JMJD1C: variants seen among roughly 807,000 people sequenced by gnomAD.
JMJD1C encodes jumonji domain containing 1C.
A neutral mutation model predicts 245.3 loss-of-function variants in JMJD1C; 31 were observed. The observed-to-expected ratio is 0.13, with a 90% CI of 0.09 to 0.17. JMJD1C has a LOEUF of 0.17. Among genes scored for constraint, JMJD1C ranks in the 10% least tolerant of loss-of-function variants. The pLI is 1.00. For missense variants in JMJD1C, 2,691 were observed against 3,000.2 expected (o/e 0.90, Z 2.41); for synonymous variants, 1,057 against 1,017.4 (o/e 1.04, Z -0.74).
chr10:63,258,385 T>C (rs1589307243), intron 3 of JMJD1C, among the ~76,000 whole-genome samples: 1 of 152,250 alleles, frequency 6.6e-6, no homozygotes, highest in Non-Finnish European at 1.5e-5. Context: ...TTCTGATATT[T>C]ACAATAACCA....
intron 1 of JMJD1C, among the ~76,000 whole-genome samples, chr10:63,425,708 G>A (rs1373622591): frequency 1.3e-5 from 2 of 152,186 alleles, no homozygotes; most frequent in Non-Finnish European, 2.9e-5. Flanking sequence ...CTTAGGCCCA[G>A]GAGGAGAAGG....
chr10:63,516,578 C>A (rs1284380655), intron 1 of JMJD1C, among the ~76,000 whole-genome samples: 9 of 152,088 alleles, frequency 5.9e-5, no homozygotes, highest in Non-Finnish European at 2.9e-5. Context: ...TGTTTCTCTG[C>A]CACTTAACAT....
intron 3 of JMJD1C, among the ~76,000 whole-genome samples, chr10:63,238,550 TC>T (rs924727552): frequency 1.3e-5 from 2 of 152,224 alleles, no homozygotes; most frequent in African/African-American, 4.8e-5. Context: ...CTCATGGTTA[TC>T]TTTATATTAT....
intron 10 of JMJD1C, 126 bp from the exon 11 acceptor site, chr10:63,200,803 C>T: frequency 1.3e-6 from 1 of 771,960 alleles, no homozygotes. Flanking sequence ...GAAGCAAAGA[C>T]ATTAAGAGCT....
intron 8 of JMJD1C, among the ~76,000 whole-genome samples, chr10:63,209,938 T>C (rs1847124697): frequency 6.6e-6 from 1 of 152,158 alleles, no homozygotes; most frequent in Admixed American, 6.5e-5. Context: ...CTCACTGACA[T>C]CCTTCCAGAA....
At chr10:63,302,166 A>G (rs1472995440) in intron 2 of JMJD1C, among the ~76,000 whole-genome samples, 3 of 152,164 alleles carry the variant, frequency 2.0e-5, no homozygotes, top group East Asian at 1.9e-4. Flanking sequence ...TACTGGCATG[A>G]GCAACTGCAC....
intron 18 of JMJD1C, among the ~76,000 whole-genome samples, chr10:63,187,119 G>T (rs1564569894): frequency 6.6e-6 from 1 of 151,748 alleles, no homozygotes. Context: ...TCTCTAGCTA[G>T]ATTTTTTTTT....
intron 2 of JMJD1C, among the ~76,000 whole-genome samples, chr10:63,300,245 C>T (rs1859919882): frequency 1.3e-5 from 2 of 152,126 alleles, no homozygotes; most frequent in South Asian, 4.1e-4. Flanking sequence ...TCACATGAAG[C>T]TCTGTATGCT....
chr10:63,390,573 T>TACA (rs34365599), intron 1 of JMJD1C, among the ~76,000 whole-genome samples: 17 of 151,570 alleles, frequency 1.1e-4, no homozygotes, highest in African/African-American at 2.4e-4. Flanking sequence ...ACAAGAATGC[T>TACA]ACAACAACAA....
chr10:63,375,548 G>GTT (rs1442562800), intron 2 of JMJD1C, among the ~76,000 whole-genome samples: 1 of 150,710 alleles, frequency 6.6e-6, no homozygotes, highest in African/African-American at 2.4e-5. Flanking sequence ...GTGTGTGTGT[G>GTT]TGTGTGTGTG....
intron 2 of JMJD1C, among the ~76,000 whole-genome samples, chr10:63,309,959 A>G (rs1157336668): frequency 2.0e-5 from 3 of 152,190 alleles, no homozygotes; most frequent in African/African-American, 2.4e-5. Context: ...AGAACATTTA[A>G]AAGAGTTCAG....
chr10:63,216,930 A>G (rs1848059743), intron 5 of JMJD1C, among the ~76,000 whole-genome samples: 2 of 152,218 alleles, frequency 1.3e-5, no homozygotes, highest in African/African-American at 2.4e-5. Context: ...ATTTTAGCTC[A>G]TCTAAGGATT....
rs767231021 is a variant in JMJD1C at position 63,208,164 on chromosome 10, G to A, written c.3505C>T (p.His1169Tyr). The change falls in exon 10 of 26, where the codon CAT (histidine) becomes TAT (tyrosine). Residue 1169 changes from histidine to tyrosine, a missense_variant. By Grantham distance (83) the His-to-Tyr change is moderately conservative (BLOSUM62 2). Transcript: ENST00000399262. ...GTTACTGAGTGAGATGCAATCTGATGTGGAAGATGTTCTGGTATCTTGCCT... is the reference window on the plus strand; with the variant it reads ...GTTACTGAGTGAGATGCAATCTGATATGGAAGATGTTCTGGTATCTTGCCT... Reference protein sequence around the residue: ...LVGKIPEHLPHQIASHSVTTF... With the variant: ...LVGKIPEHLPYQIASHSVTTF... The A allele has an allele frequency of 6.2e-7, 1 of 1,614,102 alleles. No homozygotes were observed. The highest frequency in any genetic ancestry group is 1.1e-5 in the South Asian group (1 of 91,084).
chr10:63,408,823 G>C (rs970201623), intron 1 of JMJD1C, among the ~76,000 whole-genome samples: 3 of 151,682 alleles, frequency 2.0e-5, no homozygotes, highest in Admixed American at 1.3e-4. Context: ...AAATCACCAA[G>C]ATGATAGTCA....
At chr10:63,348,241 A>G (rs1944027872) in intron 2 of JMJD1C, among the ~76,000 whole-genome samples, 1 of 151,936 alleles carries the variant, frequency 6.6e-6, no homozygotes, top group Non-Finnish European at 1.5e-5. Flanking sequence ...AATGTCATCA[A>G]GACATCAAAA....
intron 3 of JMJD1C, among the ~76,000 whole-genome samples, chr10:63,228,677 T>C (rs996680450): frequency 6.6e-6 from 1 of 152,230 alleles, no homozygotes; most frequent in African/African-American, 2.4e-5. Context: ...CAATTTTAAA[T>C]ATACTAATGC....
At chr10:63,243,103 T>TTATATATATATATA (rs10607355) in intron 3 of JMJD1C, among the ~76,000 whole-genome samples, 1,298 of 119,956 alleles carry the variant, frequency 0.011, 22 homozygotes, top group African/African-American at 0.022. Context: ...CTAACATAAA[T>TTATATATATATATA]TATATATATA....
chr10:63,223,229 G>GTTT (rs35485931), intron 3 of JMJD1C, among the ~76,000 whole-genome samples: 1 of 128,402 alleles, frequency 7.8e-6, no homozygotes. Context: ...TTTCTGTGCT[G>GTTT]TTTTTTTTTT....
chr10:63,494,206 G>A (rs927135473), intron 1 of JMJD1C, among the ~76,000 whole-genome samples: 5 of 152,088 alleles, frequency 3.3e-5, no homozygotes, highest in African/African-American at 1.2e-4. Context: ...AGCTACTTGG[G>A]AAGCTGAGGC....
Sources: gnomAD v4.1 joint callset for allele counts (sites outside exome capture counted in the v4.1 genomes callset) on GRCh38, gnomAD v4.1.1 for gene constraint, MANE v1.5 for transcripts, NCBI Gene and HGNC (gene_info 2026-07-23, HGNC 2026-07-21) for gene names.